Variants in MOB3B observed in about 807,000 individuals in gnomAD.
The protein encoded by MOB3B is MOB kinase activator-like 2B.
A neutral mutation model predicts 18.7 loss-of-function variants in MOB3B; 7 were observed. The ratio of observed to expected loss-of-function variants is 0.37; its 90% CI spans 0.21 to 0.70. The LOEUF (loss-of-function observed/expected upper bound fraction) is 0.70, where lower values mean the gene tolerates loss of function less well. MOB3B is among the 30% of genes least tolerant of loss of function. The pLI, the probability that MOB3B is intolerant of heterozygous loss-of-function variation, is 0.52. For missense variants in MOB3B, 253 were observed against 281.3 expected (o/e 0.90, Z 0.72); for synonymous variants, 111 against 99.9 (o/e 1.11, Z -0.66).
chr9:27,370,223 T>TC (rs1821396231), intron 2 of MOB3B, among the ~76,000 whole-genome samples: 1 of 151,864 alleles, frequency 6.6e-6, no homozygotes, highest in Non-Finnish European at 1.5e-5. Context: ...AAAAGGAGGG[T>TC]CCTGGCTGGG....
chr9:27,437,332 T>C (rs28393385), intron 2 of MOB3B, among the ~76,000 whole-genome samples: 1 of 151,916 alleles, frequency 6.6e-6, no homozygotes. Flanking sequence ...AAAAGTAAAA[T>C]AGTTCTAATG....
intron 2 of MOB3B, among the ~76,000 whole-genome samples, chr9:27,447,294 C>T (rs1352330903): frequency 6.6e-6 from 1 of 152,180 alleles, no homozygotes; most frequent in Non-Finnish European, 1.5e-5. Flanking sequence ...GACACTTAGA[C>T]AGCCTGCCTC....
intron 2 of MOB3B, among the ~76,000 whole-genome samples, chr9:27,362,744 G>C (rs947241658): frequency 6.6e-6 from 1 of 152,212 alleles, no homozygotes; most frequent in Non-Finnish European, 1.5e-5. Flanking sequence ...ACAAAATCCA[G>C]CTCACAGAGA....
chr9:27,372,396 G>C (rs1821436013), intron 2 of MOB3B, among the ~76,000 whole-genome samples: 1 of 152,234 alleles, frequency 6.6e-6, no homozygotes, highest in Non-Finnish European at 1.5e-5. Flanking sequence ...CTCCTGTGTA[G>C]TGAGATTCCA....
chr9:27,365,223 T>C (rs1188776968), intron 2 of MOB3B, among the ~76,000 whole-genome samples: 1 of 146,966 alleles, frequency 6.8e-6, no homozygotes, highest in Admixed American at 6.9e-5. Context: ...TCCTGATATA[T>C]ATAGTCCTGG....
At chr9:27,520,802 T>A (rs1434516437) in intron 1 of MOB3B, among the ~76,000 whole-genome samples, 1 of 152,218 alleles carries the variant, frequency 6.6e-6, no homozygotes, top group Non-Finnish European at 1.5e-5. Flanking sequence ...TGAGCTCTGC[T>A]GTGAGAGGTC....
At chr9:27,513,926 T>TGGGTG (rs200817555) in intron 1 of MOB3B, among the ~76,000 whole-genome samples, 2 of 24,232 alleles carry the variant, frequency 8.3e-5, no homozygotes, top group East Asian at 9.6e-4. Flanking sequence ...GATGGATGGA[T>TGGGTG]GGTGGGTGGG....
At chr9:27,525,453 G>C (rs1004384241) in intron 1 of MOB3B, among the ~76,000 whole-genome samples, 1 of 152,142 alleles carries the variant, frequency 6.6e-6, no homozygotes, top group African/African-American at 2.4e-5. Context: ...TCCTGCTCGG[G>C]GGGAAAAAGG....
intron 2 of MOB3B, among the ~76,000 whole-genome samples, chr9:27,376,862 T>C (rs1041785894): frequency 6.6e-6 from 1 of 152,224 alleles, no homozygotes; most frequent in South Asian, 2.1e-4. Context: ...TCTTGATCCA[T>C]GACAAATTTT....
intron 2 of MOB3B, among the ~76,000 whole-genome samples, chr9:27,369,124 T>A (rs1474000848): frequency 6.6e-6 from 1 of 152,118 alleles, no homozygotes; most frequent in African/African-American, 2.4e-5. Flanking sequence ...GTTAATGAAC[T>A]TCATTGGTTC....
At chr9:27,331,042 T>C (rs1046456267) in intron 3 of MOB3B, among the ~76,000 whole-genome samples, 1 of 152,182 alleles carries the variant, frequency 6.6e-6, no homozygotes, top group East Asian at 1.9e-4. Flanking sequence ...GACTGCTAGT[T>C]TTCTTCGAGT....
At chr9:27,391,009 A>C (rs1184346107) in intron 2 of MOB3B, among the ~76,000 whole-genome samples, 1 of 152,212 alleles carries the variant, frequency 6.6e-6, no homozygotes. Flanking sequence ...CTGTGTTTAC[A>C]AGTTACTCAG....
chr9:27,388,778 C>T (rs548662204), intron 2 of MOB3B, among the ~76,000 whole-genome samples: 3 of 152,130 alleles, frequency 2.0e-5, no homozygotes, highest in East Asian at 1.9e-4. Flanking sequence ...CATCTCAGTA[C>T]GTGCCTTGGC....
intron 1 of MOB3B, among the ~76,000 whole-genome samples, chr9:27,513,154 T>G (rs1261856102): frequency 6.6e-6 from 1 of 152,200 alleles, no homozygotes; most frequent in Non-Finnish European, 1.5e-5. Context: ...AAATACATTA[T>G]CAATGGTACT....
intron 2 of MOB3B, among the ~76,000 whole-genome samples, chr9:27,407,076 AT>A (rs1187941283): frequency 6.6e-6 from 1 of 152,096 alleles, no homozygotes; most frequent in Non-Finnish European, 1.5e-5. Flanking sequence ...TGACCTCGTG[AT>A]TCACCTGCCT....
intron 1 of MOB3B, among the ~76,000 whole-genome samples, chr9:27,493,236 A>G (rs1235814032): frequency 6.6e-6 from 1 of 152,210 alleles, no homozygotes; most frequent in African/African-American, 2.4e-5. Flanking sequence ...GGCTGAAGCC[A>G]TGACAGAAGA....
chr9:27,455,432 G>C lies in MOB3B; in HGVS notation c.119C>G (p.Ser40Trp). 1 of 1,614,202 alleles carries C rather than the reference G, an allele frequency of 6.2e-7. No individual in the cohort carries two copies. Residue 40 changes from serine (S) to tryptophan (W), a missense_variant, in exon 2 of 4, where the codon TCG (serine) becomes TGG (tryptophan). Physicochemically the swap from Ser to Trp is radical, Grantham distance 177 (BLOSUM62 -3). Transcript: ENST00000262244. ...LHKRAQASLN[S>W]GVDLKAAVQL... ...CACAGCCGCCTTCAGGTCCACACCC[G>C]AGTTGAGGGATGCCTGAGCCCGTTT...
rs1821920035 is a variant in MOB3B, at chr9:27,403,611, C to A, written c.419-44375G>T. On this transcript the variant is annotated intron_variant, in intron 2 of 3. Coordinates refer to ENST00000262244, the MANE Select transcript of MOB3B (RefSeq NM_024761.5). ...GCAATGGTGCAATCTCAGCTCACTG[C>A]AACCTCCACCTCCCAGGTTGAAGCG... is the stretch of plus-strand genomic sequence containing the variant. 4.8e-5 allele frequency among the ~76,000 whole-genome samples: 7 copies of A among 145,652 alleles called. No homozygotes were observed. The South Asian group carries it at 1.5e-3, about 32-fold the overall frequency.
At chr9:27,333,693 T>C (rs970647173) in intron 3 of MOB3B, among the ~76,000 whole-genome samples, 1 of 152,240 alleles carries the variant, frequency 6.6e-6, no homozygotes, top group Admixed American at 6.5e-5. Context: ...AAATGTGTTT[T>C]TAACAGAAGA....
Sources: allele counts gnomAD v4.1 joint callset (sites outside exome capture counted in the v4.1 genomes callset), GRCh38; gene constraint gnomAD v4.1.1; transcripts MANE v1.5; gene names NCBI Gene and HGNC (gene_info 2026-07-23, HGNC 2026-07-21).